Variants in VPS37D observed in about 807,000 individuals in gnomAD.
VPS37D encodes VPS37D subunit of ESCRT-I, also known as vacuolar protein sorting-associated protein 37D.
Under a neutral mutation model 22.0 loss-of-function variants are expected in VPS37D, and 5 were observed. The ratio of observed to expected loss-of-function variants is 0.23; its 90% confidence interval spans 0.12 to 0.48. VPS37D has a LOEUF of 0.48. Ranked by LOEUF, VPS37D falls within the 20% of genes least tolerant of loss-of-function variation. The pLI, the probability that VPS37D is intolerant of heterozygous loss-of-function variation, is 0.99. For synonymous variants in VPS37D, 174 were observed against 159.3 expected (o/e 1.09, Z -0.69); for missense variants, 384 against 345.8 (o/e 1.11, Z -0.88).
chr7:73,665,523 AGTT>A, upstream of VPS37D, among the ~76,000 whole-genome samples: 1 of 152,284 alleles, frequency 6.6e-6, no homozygotes, highest in East Asian at 1.9e-4. Flanking sequence ...AGCCAATTTT[AGTT>A]GTTGTAAAAA....
In VPS37D at chr7:73,669,415, G is replaced by A. The variant is rs781993596; in HGVS notation, c.139-4G>A. On this transcript the variant is annotated splice_polypyrimidine_tract_variant and splice_region_variant and intron_variant, in intron 1 of 3. Transcript: ENST00000324941. The stretch of plus-strand genomic sequence containing the variant: ...CGGGCCTCTTAGCTCCTCTCTGCCC[G>A]CAGTTCCAGGGCCTGCAGCTGGAGC... The A allele has an allele frequency of 2.5e-5, 38 of 1,544,962 alleles. 1 individual carries two copies. The African/African-American group carries it at 2.7e-4, about 11-fold the overall frequency.
chr7:73,669,273 C>G (rs1235064764), intron 1 of VPS37D, 146 bp from the exon 2 acceptor site: 23 of 1,000,960 alleles, frequency 2.3e-5, no homozygotes, highest in Non-Finnish European at 3.0e-5. Flanking sequence ...CGTCCCTTCA[C>G]CTGTTGGGTT....
At position 73,668,032 on chromosome 7, in the gene VPS37D, G is replaced by A; in HGVS notation, c.74G>A (p.Gly25Glu). Residue 25 changes from glycine (G) to glutamate (E), a missense_variant, in exon 1 of 4, where the codon GGG becomes GAG. Gly to Glu is a moderately conservative substitution (Grantham distance 98). Coordinates refer to ENST00000324941, the MANE Select transcript of VPS37D (RefSeq NM_001077621.2). Reference sequence around the variant, plus strand: ...GGGCGCTTTGGGATCCTCAGCACCGGGCAGCTCCGGGACCTGCTTCAGGAT... The same window carrying A: ...GGGCGCTTTGGGATCCTCAGCACCGAGCAGCTCCGGGACCTGCTTCAGGAT... The part of the protein sequence containing the change: ...SPGRFGILST[G>E]QLRDLLQDEP... The A allele has an allele frequency of 8.6e-7, 1 of 1,162,834 alleles. No individual in the cohort carries two copies. The allele number at this position is 1,162,834 out of a possible 1,614,324, so 72.0% of individuals were successfully genotyped here.
rs542604861 is a variant in VPS37D at position 73,670,835 on chromosome 7, AT to A, written c.394-176del. Among the ~76,000 whole-genome samples the A allele has an allele frequency of 1.2e-3, 184 of 150,716 alleles. No homozygotes were observed. In the Middle Eastern group the frequency reaches 0.017, roughly 14 times the overall value. On this transcript the variant is annotated intron_variant, in intron 3 of 3. Coordinates refer to ENST00000324941, the MANE Select transcript of VPS37D (RefSeq NM_001077621.2). ...GAAAAAAAAAAAAAAGTGGGAGGACATTTGTCCACAGTTCACTTAGCAAGTA... is the reference window on the plus strand; with the variant it reads ...GAAAAAAAAAAAAAAGTGGGAGGACATTGTCCACAGTTCACTTAGCAAGTA...
upstream of VPS37D, among the ~76,000 whole-genome samples, chr7:73,665,838 G>A (rs1040731207): frequency 7.2e-5 from 11 of 152,124 alleles, no homozygotes; most frequent in Admixed American, 2.0e-4. Context: ...GTATTAAGGT[G>A]GAACAAGCTC....
intron 3 of VPS37D, among the ~76,000 whole-genome samples, chr7:73,670,439 C>A (rs1797482483): frequency 6.6e-6 from 1 of 152,198 alleles, no homozygotes; most frequent in Non-Finnish European, 1.5e-5. Context: ...CATGTTAAGT[C>A]TATACTTCAC....
In VPS37D at chr7:73,670,001, G is replaced by A. The variant is rs1372457596; in HGVS notation, c.311-19G>A. On this transcript the variant is annotated intron_variant, in intron 2 of 3. Transcript: ENST00000324941. ...GGGGCCCTGGCCTGTCTGTCACTCT[G>A]TCCCTCTGTGGCCCTCAGAGGAAAG... 2 of 1,551,596 alleles carry A rather than the reference G, an allele frequency of 1.3e-6. No individual in the cohort carries two copies. Among genetic ancestry groups the A allele is most frequent in the Non-Finnish European group, 1.7e-6 (2 of 1,146,952 alleles).
At chr7:73,667,333 G>T (rs957877009), upstream of VPS37D, among the ~76,000 whole-genome samples, 7 of 151,800 alleles carry the variant, frequency 4.6e-5, no homozygotes, top group Non-Finnish European at 7.4e-5. Context: ...GTCTTGTTAT[G>T]TTGCCCAGGC....
Position 73,671,387 on chromosome 7 carries a change from G to T in VPS37D, c.*11G>T. On this transcript the variant is annotated 3_prime_UTR_variant, in exon 4 of 4. Transcript: ENST00000324941. Reference sequence around the variant, plus strand: ...CCCCCCCACCGGTAGGATCCACGGTGCGGCCCCCCAGTTGGGGGGCCTAGA... The same window carrying T: ...CCCCCCCACCGGTAGGATCCACGGTTCGGCCCCCCAGTTGGGGGGCCTAGA... 1 of 1,362,774 alleles carries T rather than the reference G, an allele frequency of 7.3e-7. No homozygotes were observed. The highest frequency in any genetic ancestry group is 9.4e-7 in the Non-Finnish European group (1 of 1,059,908). The allele number at this position is 1,362,774 out of a possible 1,614,324, so 84.4% of individuals were successfully genotyped here.
upstream of VPS37D, among the ~76,000 whole-genome samples, chr7:73,667,166 G>A (rs936046546): frequency 6.6e-6 from 1 of 151,688 alleles, no homozygotes; most frequent in East Asian, 1.9e-4. Flanking sequence ...AGTAGAGACG[G>A]GGTTTCACCA....
Position 73,671,017 on chromosome 7 carries a change from C to A in VPS37D, c.397C>A (p.Gln133Lys), listed in dbSNP as rs782254535. 1 of 1,611,884 alleles carries A rather than the reference C, an allele frequency of 6.2e-7. No homozygotes were observed. Among genetic ancestry groups the A allele is most frequent in the South Asian group, 1.1e-5 (1 of 91,006 alleles). Residue 133 changes from glutamine to lysine, a missense_variant, in exon 4 of 4, where the codon CAG (glutamine) becomes AAG (lysine). Gln to Lys is a moderately conservative substitution (Grantham distance 53). Transcript: ENST00000324941. Reference protein sequence around the residue: ...LEEAEQEAEEQMEQLLLGEQS... With the variant: ...LEEAEQEAEEKMEQLLLGEQS... ...CTTCCCTTCCCTCCCGGCCCAGGAG[C>A]AGATGGAGCAGCTGCTGCTCGGGGA...
At chr7:73,667,783 C>G (rs1285889873), upstream of VPS37D, 1 of 161,116 alleles carries the variant, frequency 6.2e-6, no homozygotes, top group South Asian at 2.0e-4. Context: ...CACCCCCAGC[C>G]CCGGCGCCGC....
In VPS37D at chr7:73,669,595, G is replaced by A. The variant is rs781899289; in HGVS notation, c.310+5G>A. 1.3e-6 allele frequency: 2 copies of A among 1,583,910 alleles called. No homozygotes were observed. The highest frequency in any genetic ancestry group is 1.8e-5 in the Admixed American group (1 of 55,924). On this transcript the variant is annotated splice_donor_5th_base_variant and intron_variant, in intron 2 of 3. Coordinates refer to ENST00000324941, the MANE Select transcript of VPS37D (RefSeq NM_001077621.2). Reference sequence around the variant, plus strand: ...CGGACAAGCTGCAGCGACTGGGTGAGGGCACGTCTGGGAGAACCCCCTGGG... The same window carrying A: ...CGGACAAGCTGCAGCGACTGGGTGAAGGCACGTCTGGGAGAACCCCCTGGG...
At chr7:73,666,513 C>T (rs1180863008), upstream of VPS37D, among the ~76,000 whole-genome samples, 4 of 152,056 alleles carry the variant, frequency 2.6e-5, no homozygotes, top group African/African-American at 7.2e-5. Flanking sequence ...ACTACAACCT[C>T]CGCCTCCCAG....
chr7:73,669,524 C>A lies in VPS37D; in HGVS notation c.244C>A (p.Leu82Met). ...RPRLEMGRAA[L>M]AIKYQELREV... Reference sequence around the variant, plus strand: ...CCGCCTGGAGATGGGCCGGGCTGCCCTGGCCATCAAATACCAGGAGCTTCG... The same window carrying A: ...CCGCCTGGAGATGGGCCGGGCTGCCATGGCCATCAAATACCAGGAGCTTCG... The change falls in exon 2 of 4, where the codon CTG becomes ATG. Residue 82 changes from leucine to methionine, a missense_variant. Physicochemically the swap from Leu to Met is conservative, Grantham distance 15. Coordinates refer to ENST00000324941, the MANE Select transcript of VPS37D (RefSeq NM_001077621.2). 1 of 1,586,122 alleles carries A rather than the reference C, an allele frequency of 6.3e-7. No individual in the cohort carries two copies. The highest frequency in any genetic ancestry group is 8.6e-7 in the Non-Finnish European group (1 of 1,166,530).
rs782009913 is a variant in VPS37D at position 73,670,034 on chromosome 7, C to T, written c.325C>T (p.Arg109Cys). 3.1e-5 allele frequency: 48 copies of T among 1,551,394 alleles called. No homozygotes were observed. The East Asian group carries it at 5.4e-4, about 17-fold the overall frequency. The change falls in exon 3 of 4, where the codon CGC becomes TGC. Residue 109 changes from arginine to cysteine, a missense_variant. Arg to Cys is a radical substitution (Grantham distance 180). Coordinates refer to ENST00000324941, the MANE Select transcript of VPS37D (RefSeq NM_001077621.2). Reference sequence around the variant, plus strand: ...GTGGCCCTCAGAGGAAAGCATGCATCGCTGGAGTCCCCACTGCGCGCTGGG... The same window carrying T: ...GTGGCCCTCAGAGGAAAGCATGCATTGCTGGAGTCCCCACTGCGCGCTGGG... ...KLQRLEESMHRWSPHCALGWL... is the reference protein window; with the variant it reads ...KLQRLEESMHCWSPHCALGWL...
At chr7:73,667,418 A>G (rs1797399092), upstream of VPS37D, among the ~76,000 whole-genome samples, 1 of 152,114 alleles carries the variant, frequency 6.6e-6, no homozygotes, top group South Asian at 2.1e-4. Context: ...GGAGAGAGCC[A>G]CCGCGCCCGG....
In VPS37D at chr7:73,667,917, C is replaced by A; in HGVS notation, c.-42C>A. The A allele has an allele frequency of 2.5e-6, 2 of 800,124 alleles. No homozygotes were observed. Among genetic ancestry groups the A allele is most frequent in the South Asian group, 5.5e-5 (1 of 18,216 alleles). 49.6% of individuals were successfully genotyped at this position (800,124 alleles called of 1,614,324 possible). A position where few individuals can be genotyped will look rare whatever the true frequency, so the allele number is the denominator to read the frequency against. On this transcript the variant is annotated 5_prime_UTR_variant, in exon 1 of 4. Coordinates refer to ENST00000324941, the MANE Select transcript of VPS37D (RefSeq NM_001077621.2). ...CGGAGCCGGGGCGGAGCGGGCCGAG[C>A]GGGCCGAGCCAGCAGCCGAGCTGGG...
chr7:73,669,987 C>T, intron 2 of VPS37D, 33 bp from the exon 3 acceptor site: 1 of 1,551,508 alleles, frequency 6.4e-7, no homozygotes. Flanking sequence ...GGGCCCTGGC[C>T]TGTCTGTCAC....
Sources: gnomAD v4.1 joint callset for allele counts (sites outside exome capture counted in the v4.1 genomes callset) on GRCh38, gnomAD v4.1.1 for gene constraint, MANE v1.5 for transcripts, NCBI Gene and HGNC (gene_info 2026-07-23, HGNC 2026-07-21) for gene names.